IGSF21: variants seen among roughly 807,000 people sequenced by gnomAD.
IGSF21 encodes immunoglobulin superfamily member 21.
A neutral mutation model predicts 46.8 loss-of-function variants in IGSF21; 28 were observed. That is an observed-to-expected ratio of 0.60 (90% confidence interval 0.44 to 0.82). The LOEUF is 0.82. IGSF21 is among the 40% of genes least tolerant of loss of function. The pLI, the probability that IGSF21 is intolerant of heterozygous loss-of-function variation, is 0.00. For synonymous variants in IGSF21, 284 were observed against 273.6 expected (o/e 1.04, Z -0.38); for missense variants, 624 against 665.5 (o/e 0.94, Z 0.69).
intron 5 of IGSF21, among the ~76,000 whole-genome samples, chr1:18,363,426 G>A (rs557020913): frequency 6.6e-6 from 1 of 151,960 alleles, no homozygotes; most frequent in African/African-American, 2.4e-5. Context: ...CCAGGACAGG[G>A]CAGTAAGCAG....
chr1:18,289,886 A>T (rs1364328915), intron 2 of IGSF21, among the ~76,000 whole-genome samples: 1 of 152,202 alleles, frequency 6.6e-6, no homozygotes, highest in South Asian at 2.1e-4. Flanking sequence ...GCTGTAAAAA[A>T]GTCAAATGGG....
At chr1:18,275,304 C>A (rs868335049) in intron 2 of IGSF21, among the ~76,000 whole-genome samples, 1 of 152,122 alleles carries the variant, frequency 6.6e-6, no homozygotes, top group Non-Finnish European at 1.5e-5. Flanking sequence ...TGGGGCTTGG[C>A]GTCTCCAATC....
chr1:18,178,323 A>G (rs539656847), intron 1 of IGSF21, among the ~76,000 whole-genome samples: 1 of 152,146 alleles, frequency 6.6e-6, no homozygotes, highest in African/African-American at 2.4e-5. Context: ...GTGAAACCAT[A>G]AAGAGGTCCC....
At chr1:18,247,732 T>A (rs1437031781) in intron 2 of IGSF21, among the ~76,000 whole-genome samples, 2 of 152,188 alleles carry the variant, frequency 1.3e-5, no homozygotes, top group Non-Finnish European at 2.9e-5. Flanking sequence ...AAATGCTGTC[T>A]AAACACTTAC....
chr1:18,108,985 A>AGGGTGTGTGTGTGT (rs2086116963), intron 1 of IGSF21, among the ~76,000 whole-genome samples: 1 of 127,800 alleles, frequency 7.8e-6, no homozygotes, highest in Non-Finnish European at 1.6e-5. Flanking sequence ...TGAGCAGCTC[A>AGGGTGTGTGTGTGT]GTGTGTGTGT....
At chr1:18,192,631 G>C (rs2086968808) in intron 1 of IGSF21, among the ~76,000 whole-genome samples, 1 of 152,124 alleles carries the variant, frequency 6.6e-6, no homozygotes, top group South Asian at 2.1e-4. Context: ...GCTGAGCTAA[G>C]ATTTGAGTCT....
intron 1 of IGSF21, among the ~76,000 whole-genome samples, chr1:18,133,706 G>T (rs1164422947): frequency 1.3e-5 from 2 of 152,198 alleles, no homozygotes; most frequent in African/African-American, 4.8e-5. Context: ...CGTGACCCCT[G>T]CCTCGGTTTA....
chr1:18,304,864 G>A (rs1371293046), intron 3 of IGSF21, among the ~76,000 whole-genome samples: 1 of 152,204 alleles, frequency 6.6e-6, no homozygotes, highest in Non-Finnish European at 1.5e-5. Context: ...AAATGTCCAG[G>A]AAAGACCCAA....
intron 1 of IGSF21, among the ~76,000 whole-genome samples, chr1:18,127,697 G>A (rs2086285115): frequency 6.6e-6 from 1 of 152,142 alleles, no homozygotes. Context: ...GAACCCAGGA[G>A]TTCAAGACCA....
At chr1:18,323,824 G>T (rs943034305) in intron 3 of IGSF21, among the ~76,000 whole-genome samples, 2 of 152,166 alleles carry the variant, frequency 1.3e-5, no homozygotes, top group Admixed American at 6.5e-5. Context: ...TTTCAGGTTG[G>T]GGGGCGGTGA....
chr1:18,314,085 G>T (rs2085516685), intron 3 of IGSF21, among the ~76,000 whole-genome samples: 1 of 152,200 alleles, frequency 6.6e-6, no homozygotes, highest in Admixed American at 6.5e-5. Context: ...CTGAAGCATT[G>T]CTGTAATTAC....
chr1:18,348,398 C>T (rs1391664428), intron 4 of IGSF21, among the ~76,000 whole-genome samples: 1 of 152,212 alleles, frequency 6.6e-6, no homozygotes, highest in African/African-American at 2.4e-5. Flanking sequence ...GTCAGATCAG[C>T]TTCAGCCTCC....
At chr1:18,320,450 T>G (rs2085589956) in intron 3 of IGSF21, among the ~76,000 whole-genome samples, 1 of 152,186 alleles carries the variant, frequency 6.6e-6, no homozygotes, top group Admixed American at 6.5e-5. Flanking sequence ...GGAGTTTCAA[T>G]TTTCCACTGC....
chr1:18,249,209 T>C (rs2124525048), intron 2 of IGSF21, among the ~76,000 whole-genome samples: 1 of 152,228 alleles, frequency 6.6e-6, no homozygotes, highest in Non-Finnish European at 1.5e-5. Flanking sequence ...AGGAGCAGCA[T>C]GGTCTTATCT....
chr1:18,125,826 G>A (rs909352146), intron 1 of IGSF21, among the ~76,000 whole-genome samples: 1 of 152,152 alleles, frequency 6.6e-6, no homozygotes, highest in Non-Finnish European at 1.5e-5. Flanking sequence ...GTGAAGTGTG[G>A]GGGTTCAGGA....
At chr1:18,301,919 T>C (rs2085365741) in intron 3 of IGSF21, among the ~76,000 whole-genome samples, 1 of 152,148 alleles carries the variant, frequency 6.6e-6, no homozygotes, top group Non-Finnish European at 1.5e-5. Context: ...GTGCCCTGCA[T>C]TTTCTCTGCT....
chr1:18,149,894 G>A (rs751951740), intron 1 of IGSF21, among the ~76,000 whole-genome samples: 8 of 152,112 alleles, frequency 5.3e-5, no homozygotes, highest in Non-Finnish European at 4.4e-5. Context: ...AATGCCAAGC[G>A]CAAGTTTCAC....
Position 18,189,599 on chromosome 1 carries a change from G to C in IGSF21, c.71-38299G>C, listed in dbSNP as rs142066539. 6.5e-3 allele frequency among the ~76,000 whole-genome samples: 986 copies of C among 151,870 alleles called. 11 individuals are homozygous for C. The highest frequency in any genetic ancestry group is 0.022 in the African/African-American group (930 of 41,354). ...CTGCAACTAGATGGCCCCACTGGGGGTGCTGGGAGACAGTGACAGATCATC... is the reference window on the plus strand; with the variant it reads ...CTGCAACTAGATGGCCCCACTGGGGCTGCTGGGAGACAGTGACAGATCATC... On this transcript the variant is annotated intron_variant, in intron 1 of 9. Transcript: ENST00000251296.
chr1:18,145,916 G>A (rs562009079), intron 1 of IGSF21, among the ~76,000 whole-genome samples: 62 of 152,218 alleles, frequency 4.1e-4, no homozygotes, highest in African/African-American at 1.3e-3. Flanking sequence ...CCAGGCTCTG[G>A]CTCAAACCCT....
Sources: gnomAD v4.1 joint callset for allele counts (sites outside exome capture counted in the v4.1 genomes callset) on GRCh38, gnomAD v4.1.1 for gene constraint, MANE v1.5 for transcripts, NCBI Gene and HGNC (gene_info 2026-07-23, HGNC 2026-07-21) for gene names.